The following ACKR5 variants were observed in gnomAD, a reference collection of about 807,000 sequenced individuals.
The protein encoded by ACKR5 is G protein-coupled receptor 182.
chr12:56,996,458 AAGGCAC>A, the ACKR5 span: 1 of 1,533,708 alleles, frequency 6.5e-7, no homozygotes, highest in South Asian at 1.3e-5. Flanking sequence ...AGTGAAGGAA[AAGGCAC>A]AGGTGAGAGT....
At chr12:56,995,318 A>G in the ACKR5 span, 3 of 1,614,024 alleles carry the variant, frequency 1.9e-6, no homozygotes, top group Non-Finnish European at 2.5e-6. This position sits in a 1 kb window ranked among gnomAD's most constrained non-coding sequence, Gnocchi z 4.7. Flanking sequence ...TGACCTCTTC[A>G]ACCACACTTT....
At chr12:56,994,753 T>C in the ACKR5 span, 1 of 171,450 alleles carries the variant, frequency 5.8e-6, no homozygotes, top group African/African-American at 2.4e-5. Flanking sequence ...GATTGTGTGG[T>C]GTGCGTGTGT....
chr12:56,996,145 C>G, the ACKR5 span: 1 of 1,614,124 alleles, frequency 6.2e-7, no homozygotes, highest in Non-Finnish European at 8.5e-7. Flanking sequence ...CCATGCTGCA[C>G]TGTGTCATCA....
At chr12:56,994,757 CGT>C in the ACKR5 span, 1,170 of 174,286 alleles carry the variant, frequency 6.7e-3, no homozygotes, top group South Asian at 0.018. Context: ...GTGTGGTGTG[CGT>C]GTGTGTGTGT....
At chr12:56,996,156 A>G in the ACKR5 span, 1 of 1,613,918 alleles carries the variant, frequency 6.2e-7, no homozygotes, top group South Asian at 1.1e-5. Context: ...TGTGTCATCA[A>G]CCCCATCCTT....
chr12:56,996,542 C>A, the ACKR5 span: 1 of 841,688 alleles, frequency 1.2e-6, no homozygotes, highest in Non-Finnish European at 1.8e-6. Flanking sequence ...TTGAATCTAT[C>A]TTAAAATACT....
the ACKR5 span, chr12:56,995,098 T>TC: frequency 1.1e-6 from 1 of 933,934 alleles, no homozygotes; most frequent in Non-Finnish European, 1.6e-6. The surrounding 1 kb of genome is among the most constrained non-coding windows in gnomAD (Gnocchi z 4.7). Context: ...CCCCAGAATC[T>TC]TTCCCCAAAG....
the ACKR5 span, chr12:56,995,166 C>T: frequency 8.0e-4 from 1,257 of 1,567,746 alleles, no homozygotes; most frequent in Admixed American, 3.4e-3. The surrounding 1 kb of genome is among the most constrained non-coding windows in gnomAD (Gnocchi z 4.7). Flanking sequence ...GTCTGCTTTC[C>T]CTTCCAACCC....
chr12:56,995,588 C>A, the ACKR5 span: 1 of 1,614,164 alleles, frequency 6.2e-7, no homozygotes, highest in Non-Finnish European at 8.5e-7. The surrounding 1 kb of genome is among the most constrained non-coding windows in gnomAD (Gnocchi z 4.7). Flanking sequence ...CTTCTCCTGC[C>A]GCTTCACTCA....
At chr12:56,996,702 A>G in the ACKR5 span, 16 of 362,556 alleles carry the variant, frequency 4.4e-5, no homozygotes, top group Admixed American at 1.7e-4. Context: ...ATCTTTTAAA[A>G]ATCTGCACTT....
the ACKR5 span, chr12:56,995,057 T>A: frequency 1.5e-6 from 1 of 675,264 alleles, no homozygotes; most frequent in Non-Finnish European, 2.6e-6. The surrounding 1 kb of genome is among the most constrained non-coding windows in gnomAD (Gnocchi z 4.7). Context: ...TATTCACAGT[T>A]TGAAAGCTAA....
the ACKR5 span, chr12:56,995,619 T>G: frequency 6.2e-7 from 1 of 1,614,136 alleles, no homozygotes; most frequent in Non-Finnish European, 8.5e-7. The surrounding 1 kb of genome is among the most constrained non-coding windows in gnomAD (Gnocchi z 4.7). Context: ...TTTGTCAACA[T>G]GTATAGCAGC....
the ACKR5 span, chr12:56,996,224 C>G: frequency 1.2e-6 from 2 of 1,614,102 alleles, no homozygotes; most frequent in Non-Finnish European, 1.7e-6. Context: ...AGTCCATTAC[C>G]TTCCTAAGGA....
At chr12:56,995,478 T>C in the ACKR5 span, 1 of 1,614,198 alleles carries the variant, frequency 6.2e-7, no homozygotes, top group Non-Finnish European at 8.5e-7. This position sits in a 1 kb window ranked among gnomAD's most constrained non-coding sequence, Gnocchi z 4.7. Context: ...CTGATGAACC[T>C]CTACATCCTC....
the ACKR5 span, chr12:56,996,220 T>C: frequency 6.2e-7 from 1 of 1,613,976 alleles, no homozygotes; most frequent in Non-Finnish European, 8.5e-7. Flanking sequence ...CTGTAGTCCA[T>C]TACCTTCCTA....
chr12:56,995,277 T>C, the ACKR5 span: 1 of 1,614,158 alleles, frequency 6.2e-7, no homozygotes, highest in South Asian at 1.1e-5. This position sits in a 1 kb window ranked among gnomAD's most constrained non-coding sequence, Gnocchi z 4.7. Flanking sequence ...ACCAGTGACC[T>C]TGGAGAGATC....
the ACKR5 span, chr12:56,995,566 GC>G: frequency 1.2e-6 from 2 of 1,614,048 alleles, no homozygotes; most frequent in Non-Finnish European, 8.5e-7. The surrounding 1 kb of genome is among the most constrained non-coding windows in gnomAD (Gnocchi z 4.7). Flanking sequence ...ACTACACCTG[GC>G]TCTGGGGCAG....
the ACKR5 span, chr12:56,995,828 C>T: frequency 6.2e-7 from 1 of 1,614,080 alleles, no homozygotes; most frequent in East Asian, 2.2e-5. The surrounding 1 kb of genome is among the most constrained non-coding windows in gnomAD (Gnocchi z 4.7). Flanking sequence ...CTTCATGGCA[C>T]CTTTTGAAAC....
the ACKR5 span, chr12:56,996,878 G>C: frequency 1.9e-5 from 3 of 160,256 alleles, no homozygotes; most frequent in African/African-American, 4.8e-5. Context: ...TCACTATGCA[G>C]GTTATGGGGA....
Sources: gnomAD v4.1 joint callset for allele counts on GRCh38, gnomAD v4.1.1 for gene constraint, Gnocchi (gnomAD v3.1) non-coding constraint, MANE v1.5 for transcripts, NCBI Gene and HGNC (gene_info 2026-07-23, HGNC 2026-07-21) for gene names.